GSN: variants seen among roughly 807,000 people sequenced by gnomAD.
The protein encoded by GSN is actin-depolymerizing factor.
In GSN, 56 loss-of-function variants were observed where a neutral mutation model predicts 85.7. That is an observed-to-expected ratio of 0.65 (90% CI 0.53 to 0.82). The LOEUF (loss-of-function observed/expected upper bound fraction) is 0.82, where lower values mean the gene tolerates loss of function less well. Ranked by LOEUF, GSN falls within the 40% of genes least tolerant of loss-of-function variation. The probability of loss-of-function intolerance (pLI) is 0.00; values close to 1 mark genes in which losing one functional copy is unlikely to be tolerated. For synonymous variants in GSN, 373 were observed against 399.1 expected (o/e 0.93, Z 0.78); for missense variants, 857 against 979.8 (o/e 0.87, Z 1.67).
intron 1 of GSN, among the ~76,000 whole-genome samples, chr9:121,273,935 G>A (rs1439303126): frequency 2.6e-5 from 4 of 152,180 alleles, no homozygotes; most frequent in Non-Finnish European, 5.9e-5. Flanking sequence ...GCTGTAGTTT[G>A]CATCCATAAA....
chr9:121,229,381 C>A (rs534845766), intron 4 of GSN, among the ~76,000 whole-genome samples: 1 of 152,106 alleles, frequency 6.6e-6, no homozygotes, highest in South Asian at 2.1e-4. Flanking sequence ...CCACCACACC[C>A]GGCTAATTTT....
At chr9:121,232,698 A>G (rs1344927442) in intron 5 of GSN, among the ~76,000 whole-genome samples, 1 of 152,250 alleles carries the variant, frequency 6.6e-6, no homozygotes, top group Non-Finnish European at 1.5e-5. Context: ...AGCCAAGAAA[A>G]TAAAAAGTAT....
At chr9:121,207,504 T>C (rs2053901061), upstream of GSN, among the ~76,000 whole-genome samples, 1 of 152,230 alleles carries the variant, frequency 6.6e-6, no homozygotes, top group African/African-American at 2.4e-5. Flanking sequence ...AAGCCTGCCC[T>C]ACAAACATCC....
chr9:121,237,693 C>T (rs1315019252), intron 5 of GSN, among the ~76,000 whole-genome samples: 1 of 152,206 alleles, frequency 6.6e-6, no homozygotes, highest in Non-Finnish European at 1.5e-5. Flanking sequence ...TGAAAGGAGT[C>T]ATCTTTTAGA....
intron 4 of GSN, among the ~76,000 whole-genome samples, chr9:121,225,936 C>G (rs2132130096): frequency 6.6e-6 from 1 of 152,308 alleles, no homozygotes; most frequent in East Asian, 1.9e-4. Flanking sequence ...TCCCAAGTAG[C>G]TGGGACTACC....
chr9:121,326,587 G>A lies in GSN; in HGVS notation c.1492G>A (p.Gly498Ser). 5 of 1,613,552 alleles carry A rather than the reference G, an allele frequency of 3.1e-6. No individual in the cohort carries two copies. Among genetic ancestry groups the A allele is most frequent in the Non-Finnish European group, 4.2e-6 (5 of 1,179,826 alleles). The change falls in exon 13 of 18, where the codon GGC becomes AGC. Residue 498 changes from glycine to serine, a missense_variant. Transcript: ENST00000432226. Reference protein sequence around the residue: ...FGGKPMIIYKGGTSREGGQTA... With the variant: ...FGGKPMIIYKSGTSREGGQTA... ...TGGGAAGCCCATGATCATCTACAAGGGCGGCACCTCCCGCGAGGGCGGGCA... is the reference window on the plus strand; with the variant it reads ...TGGGAAGCCCATGATCATCTACAAGAGCGGCACCTCCCGCGAGGGCGGGCA...
intron 7 of GSN, among the ~76,000 whole-genome samples, chr9:121,314,838 G>T (rs1449381879): frequency 6.6e-6 from 1 of 152,088 alleles, no homozygotes; most frequent in East Asian, 1.9e-4. Flanking sequence ...ACAGCTTTCT[G>T]TGCCTAGTTA....
chr9:121,219,104 A>G (rs2054120173), intron 4 of GSN, among the ~76,000 whole-genome samples: 1 of 152,062 alleles, frequency 6.6e-6, no homozygotes, highest in Non-Finnish European at 1.5e-5. Context: ...TGCTTCCTTG[A>G]TGGACAGATC....
At chr9:121,325,315 C>A (rs2063020643) in intron 12 of GSN, among the ~76,000 whole-genome samples, 1 of 152,170 alleles carries the variant, frequency 6.6e-6, no homozygotes, top group South Asian at 2.1e-4. Context: ...GGACCTGATG[C>A]ACGTGTAGGA....
chr9:121,312,590 C>A (rs1589070077), intron 6 of GSN, 102 bp downstream of exon 6: 3 of 840,080 alleles, frequency 3.6e-6, no homozygotes, highest in South Asian at 2.0e-5. Flanking sequence ...AAAAAAAAAA[C>A]TTCCGCTCTA....
chr9:121,209,444 G>A (rs1259253600), intron 2 of GSN: 1 of 151,882 alleles, frequency 6.6e-6, no homozygotes, highest in South Asian at 2.1e-4. Flanking sequence ...GGTGGGGAGG[G>A]GGGAAGAAAT....
intron 5 of GSN, among the ~76,000 whole-genome samples, chr9:121,236,210 T>C (rs1352568332): frequency 6.6e-6 from 1 of 152,116 alleles, no homozygotes; most frequent in Non-Finnish European, 1.5e-5. Flanking sequence ...GTTGTTGTTA[T>C]TGTTGTTTGT....
intron 4 of GSN, among the ~76,000 whole-genome samples, chr9:121,227,503 A>G (rs894614137): frequency 1.3e-5 from 2 of 152,182 alleles, no homozygotes; most frequent in Non-Finnish European, 2.9e-5. Context: ...GGGAGCCTCG[A>G]TTTATAGCTC....
intron 2 of GSN, among the ~76,000 whole-genome samples, chr9:121,295,729 A>G (rs2059152451): frequency 6.6e-6 from 1 of 152,206 alleles, no homozygotes; most frequent in Non-Finnish European, 1.5e-5. Context: ...CATGGGCTGT[A>G]CAGCCCCCAT....
chr9:121,286,509 A>G, intron 2 of GSN: 1 of 1,200,418 alleles, frequency 8.3e-7, no homozygotes, highest in East Asian at 2.6e-5. Context: ...CCTTCCCAAA[A>G]GGGAAACTCC....
chr9:121,320,652 C>CAAAAAAAAAAAA (rs564880956), intron 10 of GSN, among the ~76,000 whole-genome samples: 3 of 81,764 alleles, frequency 3.7e-5, no homozygotes, highest in Admixed American at 1.2e-4. Context: ...TCTCAAAAAA[C>CAAAAAAAAAAAA]AAAAAAAAAA....
intron 2 of GSN, among the ~76,000 whole-genome samples, chr9:121,293,743 T>C (rs10739595): frequency 0.38 from 56,960 of 150,800 alleles, 13,400 homozygotes; most frequent in East Asian, 0.62. Context: ...CTATCTTACA[T>C]GTAAGGAAAT....
At chr9:121,285,847 T>C (rs2058004057) in intron 2 of GSN, among the ~76,000 whole-genome samples, 1 of 152,172 alleles carries the variant, frequency 6.6e-6, no homozygotes, top group Non-Finnish European at 1.5e-5. Flanking sequence ...AAGGGCCTCC[T>C]CTCCACAAAG....
chr9:121,262,405 G>A (rs1159219940), intron 6 of GSN, among the ~76,000 whole-genome samples: 1 of 152,194 alleles, frequency 6.6e-6, no homozygotes. Context: ...GAGGGCAATT[G>A]TCAAGCTTAA....
Sources: gnomAD v4.1 joint callset for allele counts (sites outside exome capture counted in the v4.1 genomes callset) on GRCh38, gnomAD v4.1.1 for gene constraint, MANE v1.5 for transcripts, NCBI Gene and HGNC (gene_info 2026-07-23, HGNC 2026-07-21) for gene names.